The following TASP1 variants were observed in gnomAD, a reference collection of about 807,000 sequenced individuals.
TASP1 encodes the protein taspase 1.
In TASP1, 16 loss-of-function variants were observed where a neutral mutation model predicts 56.6. The ratio of observed to expected loss-of-function variants is 0.28; its 90% CI spans 0.19 to 0.43. The LOEUF (loss-of-function observed/expected upper bound fraction) is 0.43, where lower values mean the gene tolerates loss of function less well. Among genes scored for constraint, TASP1 ranks in the 20% least tolerant of loss-of-function variants. The pLI, the probability that TASP1 is intolerant of heterozygous loss-of-function variation, is 1.00. For synonymous variants in TASP1, 179 were observed against 184.2 expected (o/e 0.97, Z 0.23); for missense variants, 393 against 511.6 (o/e 0.77, Z 2.24).
At chr20:13,207,628 GTCAA>G in the TASP1 span, among the ~76,000 whole-genome samples, 2 of 152,186 alleles carry the variant, frequency 1.3e-5, no homozygotes, top group Non-Finnish European at 2.9e-5. Context: ...GATATCCCAA[GTCAA>G]TCAATCAGGC....
At chr20:13,430,848 CAA>C (rs1180525980) in intron 12 of TASP1, among the ~76,000 whole-genome samples, 1 of 152,178 alleles carries the variant, frequency 6.6e-6, no homozygotes, top group African/African-American at 2.4e-5. Context: ...GGGCAAACCT[CAA>C]AAGTGTCTGT....
the TASP1 span, among the ~76,000 whole-genome samples, chr20:13,360,746 TACTC>T: frequency 6.6e-6 from 1 of 152,206 alleles, no homozygotes; most frequent in African/African-American, 2.4e-5. Flanking sequence ...CCTTCAGCTG[TACTC>T]ACTCCTTGTT....
At chr20:13,154,897 C>T in the TASP1 span, among the ~76,000 whole-genome samples, 3 of 152,186 alleles carry the variant, frequency 2.0e-5, no homozygotes, top group African/African-American at 7.2e-5. Flanking sequence ...AGGAAGTTAA[C>T]TGGCAGGGCA....
chr20:13,152,106 C>G, the TASP1 span, among the ~76,000 whole-genome samples: 1 of 152,124 alleles, frequency 6.6e-6, no homozygotes, highest in Non-Finnish European at 1.5e-5. Context: ...GAGGGGCTAA[C>G]AACACAGATT....
intron 11 of TASP1, among the ~76,000 whole-genome samples, chr20:13,436,015 G>C (rs1402771569): frequency 6.6e-6 from 1 of 152,108 alleles, no homozygotes; most frequent in African/African-American, 2.4e-5. Flanking sequence ...CAGAGAAAGA[G>C]GCAGACAAGG....
At chr20:13,380,775 C>T in the TASP1 span, among the ~76,000 whole-genome samples, 1 of 152,188 alleles carries the variant, frequency 6.6e-6, no homozygotes, top group Non-Finnish European at 1.5e-5. Flanking sequence ...ATGCCCTGCC[C>T]AGAGAGGAGG....
chr20:13,356,622 T>A, the TASP1 span, among the ~76,000 whole-genome samples: 2 of 152,212 alleles, frequency 1.3e-5, no homozygotes, highest in African/African-American at 4.8e-5. Context: ...GCAGACCTTC[T>A]TGCTTATCAA....
At chr20:13,506,942 A>T (rs550116264) in intron 10 of TASP1, among the ~76,000 whole-genome samples, 24 of 152,030 alleles carry the variant, frequency 1.6e-4, no homozygotes, top group African/African-American at 5.1e-4. Flanking sequence ...TGTTTGCCTA[A>T]ACAAAAAGGC....
chr20:13,174,317 A>C, the TASP1 span, among the ~76,000 whole-genome samples: 1 of 152,220 alleles, frequency 6.6e-6, no homozygotes, highest in African/African-American at 2.4e-5. Flanking sequence ...GAGAGAGGCA[A>C]CTTGAACATA....
the TASP1 span, among the ~76,000 whole-genome samples, chr20:13,376,236 T>G: frequency 6.6e-6 from 1 of 152,242 alleles, no homozygotes; most frequent in Non-Finnish European, 1.5e-5. Flanking sequence ...ATAATCCATC[T>G]TGAGTTAATT....
At position 13,483,251 on chromosome 20, in the gene TASP1, CCAA is replaced by C; in HGVS notation, c.958_960del (p.Leu320del). ...CTGATAAACTTGTTTTGCATAGTCTCCAACAGGGCTTGGTGAGCATCCTCAGCT... is the reference window on the plus strand; with the variant it reads ...CTGATAAACTTGTTTTGCATAGTCTCCAGGGCTTGGTGAGCATCCTCAGCT... On this transcript the variant is annotated inframe_deletion, in exon 11 of 14. Transcript: ENST00000337743. 6.3e-7 allele frequency: 1 copy of C among 1,595,432 alleles called. No homozygotes were observed. Among genetic ancestry groups the C allele is most frequent in the Non-Finnish European group, 8.5e-7 (1 of 1,170,576 alleles).
chr20:13,142,907 C>CCT, the TASP1 span, among the ~76,000 whole-genome samples: 24 of 151,670 alleles, frequency 1.6e-4, no homozygotes, highest in African/African-American at 5.1e-4. Context: ...AAATACCCCG[C>CCT]CTCTCTCTCT....
chr20:13,141,308 C>T, the TASP1 span, among the ~76,000 whole-genome samples: 1 of 152,196 alleles, frequency 6.6e-6, no homozygotes, highest in African/African-American at 2.4e-5. Context: ...AGATTTACTC[C>T]TCACTCAAAT....
the TASP1 span, among the ~76,000 whole-genome samples, chr20:13,226,658 A>C: frequency 5.3e-5 from 8 of 152,122 alleles, no homozygotes; most frequent in African/African-American, 1.7e-4. Flanking sequence ...CATTTGTCTG[A>C]TAGTTGGTGC....
At chr20:13,294,160 AATCTTGATTTTGCCAGATTAT>A in the TASP1 span, among the ~76,000 whole-genome samples, 1 of 152,250 alleles carries the variant, frequency 6.6e-6, no homozygotes, top group South Asian at 2.1e-4. Flanking sequence ...AGAGGCCTGA[AATCTTGATTTTGCCAGATTAT>A]ATCTTAATTT....
At chr20:13,241,329 G>A in the TASP1 span, among the ~76,000 whole-genome samples, 1 of 152,092 alleles carries the variant, frequency 6.6e-6, no homozygotes, top group African/African-American at 2.4e-5. Flanking sequence ...TGAACATGTG[G>A]TCAAAAAAGA....
chr20:13,281,423 T>C, the TASP1 span, among the ~76,000 whole-genome samples: 1 of 152,214 alleles, frequency 6.6e-6, no homozygotes, highest in Admixed American at 6.5e-5. Context: ...ATAGCCAACA[T>C]TTAAATAGTA....
At chr20:13,618,546 C>T (rs1021585937) in intron 4 of TASP1, among the ~76,000 whole-genome samples, 4 of 152,116 alleles carry the variant, frequency 2.6e-5, no homozygotes, top group African/African-American at 9.7e-5. Context: ...ATAAGTTATT[C>T]TTAAAGGACT....
At chr20:13,527,067 T>A (rs1568547207) in intron 10 of TASP1, among the ~76,000 whole-genome samples, 2 of 151,656 alleles carry the variant, frequency 1.3e-5, no homozygotes, top group Non-Finnish European at 2.9e-5. Context: ...TAACAAGAAA[T>A]CAGCAGGAGA....
Sources: gnomAD v4.1 joint callset for allele counts (sites outside exome capture counted in the v4.1 genomes callset) on GRCh38, gnomAD v4.1.1 for gene constraint, MANE v1.5 for transcripts, NCBI Gene and HGNC (gene_info 2026-07-23, HGNC 2026-07-21) for gene names.